MMP26: variants seen among roughly 807,000 people sequenced by gnomAD.
MMP26 encodes matrix metalloproteinase-26.
A neutral mutation model predicts 31.0 loss-of-function variants in MMP26; 33 were observed. That is an observed-to-expected ratio of 1.06 (90% CI 0.81 to 1.42). The LOEUF (loss-of-function observed/expected upper bound fraction) is 1.42. Ranked by LOEUF, MMP26 falls within the 40% of genes most tolerant of loss-of-function variation. The pLI is 0.00. For missense variants in MMP26, 347 were observed against 316.1 expected (o/e 1.10, Z -0.74); for synonymous variants, 122 against 114.9 (o/e 1.06, Z -0.40).
intron 2 of MMP26, among the ~76,000 whole-genome samples, chr11:4,969,691 T>A (rs1204119439): frequency 6.6e-6 from 1 of 152,120 alleles, no homozygotes; most frequent in Non-Finnish European, 1.5e-5. Context: ...TGTTCCTAGG[T>A]TGAATAATTT....
At chr11:4,986,888 T>C (rs11035006) in intron 2 of MMP26, among the ~76,000 whole-genome samples, 5,761 of 142,264 alleles carry the variant, frequency 0.04, 222 homozygotes, top group East Asian at 0.18. Context: ...GTTCTGTGAC[T>C]TCCTTCCTTC....
chr11:4,853,644 T>C (rs558380689), intron 2 of MMP26, among the ~76,000 whole-genome samples: 1 of 152,288 alleles, frequency 6.6e-6, no homozygotes, highest in Admixed American at 6.5e-5. Context: ...AGTCAATTAC[T>C]AATTAAAACT....
intron 2 of MMP26, among the ~76,000 whole-genome samples, chr11:4,801,551 T>G: frequency 7.9e-6 from 1 of 126,344 alleles, no homozygotes; most frequent in African/African-American, 3.2e-5. Flanking sequence ...TTTATTTATT[T>G]ATTTATTTGA....
chr11:4,708,061 A>G (rs1348954943), intron 1 of MMP26, among the ~76,000 whole-genome samples: 1 of 152,176 alleles, frequency 6.6e-6, no homozygotes, highest in African/African-American at 2.4e-5. Context: ...TCAACCATAG[A>G]CATTAGTTTC....
chr11:4,723,636 G>A (rs1275571224), intron 1 of MMP26: 5 of 870,644 alleles, frequency 5.7e-6, no homozygotes, highest in Non-Finnish European at 9.9e-6. Flanking sequence ...CACACTTATT[G>A]ATCTCATCCT....
In MMP26 at chr11:4,821,890, G is replaced by A. The variant is rs150525831; in HGVS notation, c.-145+54549G>A. On this transcript the variant is annotated intron_variant, in intron 2 of 7. Coordinates refer to ENST00000380390, the MANE Select transcript of MMP26 (RefSeq NM_021801.5). ...GAGCATGTTGATAAGAAATGTTGCC[G>A]TCATGTTGCCAGTCATGCTCTTTGT... The A allele has an allele frequency of 5.1e-5, 83 of 1,613,914 alleles. No individual in the cohort carries two copies. In the African/African-American group the frequency reaches 8.7e-4, roughly 17 times the overall value.
At chr11:4,716,109 C>T (rs1847926944) in intron 1 of MMP26, among the ~76,000 whole-genome samples, 1 of 152,170 alleles carries the variant, frequency 6.6e-6, no homozygotes, top group South Asian at 2.1e-4. Context: ...TTGGAGACCT[C>T]AACCATATAC....
chr11:4,989,736 G>A lies in MMP26; in HGVS notation c.188G>A (p.Arg63Gln), dbSNP rs368459718. Residue 63 changes from arginine to glutamine, a missense_variant, in exon 4 of 8, where the codon CGG becomes CAG. Arg to Gln is a conservative substitution (Grantham distance 43). Coordinates refer to ENST00000380390, the MANE Select transcript of MMP26 (RefSeq NM_021801.5). ...ACACAGCTCCTGCAACAATTCCATC[G>A]GAATGGGACAGACCTACTTGACATG... ...TQTQLLQQFH[R>Q]NGTDLLDMQM... 39 of 1,613,864 alleles carry A rather than the reference G, an allele frequency of 2.4e-5. No individual in the cohort carries two copies. The highest frequency in any genetic ancestry group is 3.3e-4 in the Middle Eastern group (2 of 6,084).
chr11:4,715,999 G>C (rs958116382), intron 1 of MMP26, among the ~76,000 whole-genome samples: 2 of 152,194 alleles, frequency 1.3e-5, no homozygotes, highest in African/African-American at 4.8e-5. Flanking sequence ...CTCGAAGGAG[G>C]TTCTACTGCT....
chr11:4,921,204 G>A (rs1333890876), intron 2 of MMP26, among the ~76,000 whole-genome samples: 1 of 152,120 alleles, frequency 6.6e-6, no homozygotes, highest in African/African-American at 2.4e-5. Flanking sequence ...TCTGTAAAAG[G>A]GAAGCTCTTC....
At chr11:4,915,316 C>T in intron 2 of MMP26, 3 of 1,613,896 alleles carry the variant, frequency 1.9e-6, no homozygotes, top group South Asian at 1.1e-5. Context: ...GCACAGAGGA[C>T]TCGAGGAAGG....
chr11:4,849,516 T>G (rs547493758), intron 2 of MMP26, among the ~76,000 whole-genome samples: 1 of 152,194 alleles, frequency 6.6e-6, no homozygotes, highest in South Asian at 2.1e-4. Context: ...TGTAGTGTTA[T>G]CCTATTTTTT....
At position 4,714,443 on chromosome 11, in the gene MMP26, G is replaced by A. The variant is rs111834433; in HGVS notation, c.-217+9398G>A. Among the ~76,000 whole-genome samples the A allele has an allele frequency of 2.2e-4, 34 of 152,122 alleles. 3 individuals carry two copies. Among genetic ancestry groups the A allele is most frequent in the African/African-American group, 7.2e-4 (30 of 41,472 alleles). On this transcript the variant is annotated intron_variant, in intron 1 of 7. Coordinates refer to ENST00000380390, the MANE Select transcript of MMP26 (RefSeq NM_021801.5). Reference sequence around the variant, plus strand: ...CCTAAAGTCAACAGCCACTACCACCGTCACACACACTGCCACTGCCATTCT... The same window carrying A: ...CCTAAAGTCAACAGCCACTACCACCATCACACACACTGCCACTGCCATTCT...
intron 2 of MMP26, among the ~76,000 whole-genome samples, chr11:4,799,775 AT>A (rs1849156806): frequency 6.6e-6 from 1 of 152,250 alleles, no homozygotes; most frequent in Admixed American, 6.5e-5. Flanking sequence ...TTGGTTAAAT[AT>A]TCCCAATCCA....
intron 2 of MMP26, among the ~76,000 whole-genome samples, chr11:4,789,213 ATTTT>A (rs1222086827): frequency 6.6e-6 from 1 of 152,172 alleles, no homozygotes; most frequent in Non-Finnish European, 1.5e-5. Context: ...TCTATGTGGC[ATTTT>A]TGTATTGCAA....
intron 2 of MMP26, among the ~76,000 whole-genome samples, chr11:4,969,901 G>GT (rs1846642768): frequency 6.6e-6 from 1 of 152,062 alleles, no homozygotes; most frequent in Admixed American, 6.6e-5. Context: ...ATTTTGTTTA[G>GT]TTTTTTCCTA....
chr11:4,928,057 G>A (rs1851297667), intron 2 of MMP26, among the ~76,000 whole-genome samples: 1 of 152,074 alleles, frequency 6.6e-6, no homozygotes, highest in Admixed American at 6.6e-5. Flanking sequence ...AGAGGGTCGA[G>A]GGGGGAGAGA....
At chr11:4,745,730 G>A (rs1261161865) in intron 1 of MMP26, among the ~76,000 whole-genome samples, 1 of 152,038 alleles carries the variant, frequency 6.6e-6, no homozygotes, top group Admixed American at 6.6e-5. Flanking sequence ...TAGTTCCATT[G>A]CCCTAAAAAG....
intron 2 of MMP26, among the ~76,000 whole-genome samples, chr11:4,933,565 GT>G (rs71050440): frequency 0.53 from 78,524 of 149,444 alleles, 21,131 homozygotes; most frequent in East Asian, 0.76. Flanking sequence ...TGTTTGTTTT[GT>G]TTTTTTTATT....
Sources: gnomAD v4.1 joint callset for allele counts (sites outside exome capture counted in the v4.1 genomes callset) on GRCh38, gnomAD v4.1.1 for gene constraint, MANE v1.5 for transcripts, NCBI Gene and HGNC (gene_info 2026-07-23, HGNC 2026-07-21) for gene names.